The following VPS53 variants were observed in gnomAD, a reference collection of about 807,000 sequenced individuals.
VPS53 encodes the protein vacuolar protein sorting-associated protein 53 homolog.
In VPS53, 70 loss-of-function variants were observed where a neutral mutation model predicts 107.0. The observed-to-expected ratio is 0.65, with a 90% confidence interval of 0.54 to 0.80. VPS53 has a LOEUF of 0.80. VPS53 is among the 30% of genes least tolerant of loss of function. The probability of loss-of-function intolerance (pLI) is 0.00; values close to 1 mark genes in which losing one functional copy is unlikely to be tolerated. For synonymous variants in VPS53, 409 were observed against 393.3 expected (o/e 1.04, Z -0.47); for missense variants, 917 against 1,049.4 (o/e 0.87, Z 1.74).
At chr17:603,289 G>A (rs1042220135) in intron 11 of VPS53, among the ~76,000 whole-genome samples, 2 of 152,168 alleles carry the variant, frequency 1.3e-5, no homozygotes, top group Non-Finnish European at 2.9e-5. Flanking sequence ...CAGCGTGGTG[G>A]TAGGCGCCTG....
At chr17:676,439 A>G (rs1275859862) in intron 4 of VPS53, 1 of 152,230 alleles carries the variant, frequency 6.6e-6, no homozygotes, top group Non-Finnish European at 1.5e-5. Flanking sequence ...AATTTTCCTT[A>G]CACGATTTCT....
intron 7 of VPS53, among the ~76,000 whole-genome samples, chr17:651,212 T>C (rs1395901407): frequency 6.6e-6 from 1 of 152,138 alleles, no homozygotes; most frequent in East Asian, 1.9e-4. Flanking sequence ...AAATCCGCAG[T>C]GATAGCCATT....
At chr17:713,374 C>T (rs1973711460) in intron 1 of VPS53, among the ~76,000 whole-genome samples, 1 of 151,972 alleles carries the variant, frequency 6.6e-6, no homozygotes, top group Admixed American at 6.6e-5. Flanking sequence ...TATTTCTGAC[C>T]GGGTGCAGTG....
chr17:525,475 G>A (rs1246693199), intron 19 of VPS53, among the ~76,000 whole-genome samples: 2 of 151,818 alleles, frequency 1.3e-5, no homozygotes, highest in Non-Finnish European at 2.9e-5. Flanking sequence ...GATCACTTGA[G>A]GCTACGAATT....
chr17:569,903 C>CA (rs61335321), intron 13 of VPS53, among the ~76,000 whole-genome samples: 7,428 of 106,038 alleles, frequency 0.07, 579 homozygotes, highest in African/African-American at 0.22. Context: ...GACTCTGCCT[C>CA]AAAAAAAAAA....
At chr17:536,851 C>T (rs1804811568) in intron 18 of VPS53, 177 bp downstream of exon 18, 3 of 723,866 alleles carry the variant, frequency 4.1e-6, no homozygotes, top group African/African-American at 1.8e-5. Flanking sequence ...AACGAATGTG[C>T]CACTTTGTGT....
intron 17 of VPS53, among the ~76,000 whole-genome samples, chr17:550,901 A>T (rs1489155418): frequency 1.3e-5 from 2 of 151,934 alleles, no homozygotes; most frequent in Non-Finnish European, 2.9e-5. Flanking sequence ...CTGATCAAAT[A>T]CTCTTACATT....
At chr17:601,765 G>T (rs751911636) in intron 12 of VPS53, 30 bp downstream of exon 12, 2 of 1,538,470 alleles carry the variant, frequency 1.3e-6, no homozygotes, top group Non-Finnish European at 1.8e-6. Flanking sequence ...CATTGGGTAG[G>T]TTACCCGTGG....
chr17:601,078 C>T (rs1968303504), intron 12 of VPS53: 1 of 152,208 alleles, frequency 6.6e-6, no homozygotes, highest in Admixed American at 6.5e-5. Context: ...TTGGTGGTGT[C>T]TGGAGCAAAA....
In VPS53 at chr17:536,848, G is replaced by A. The variant is rs550696025; in HGVS notation, c.2015+180C>T. On this transcript the variant is annotated intron_variant, in intron 18 of 21. Transcript: ENST00000437048. ...TGCAGGTTCATCCACTGTAACGAAT[G>A]TGCCACTTTGTGTGTGGGGAGGTGT... 2.7e-4 allele frequency: 191 copies of A among 699,042 alleles called. No homozygotes were observed. In the East Asian group the frequency reaches 5.4e-3, roughly 20 times the overall value. 43.3% of individuals were successfully genotyped at this position (699,042 alleles called of 1,614,324 possible). A position where few individuals can be genotyped will look rare whatever the true frequency, so the allele number is the denominator to read the frequency against.
chr17:654,785 G>C (rs1971116733), intron 6 of VPS53, among the ~76,000 whole-genome samples: 1 of 150,716 alleles, frequency 6.6e-6, no homozygotes, highest in Non-Finnish European at 1.5e-5. Context: ...TCAAGTTCAA[G>C]CCAAGGTGTT....
rs186092062 is a variant in VPS53, at chr17:520,909, A to G, written c.2223+692T>C. Among the ~76,000 whole-genome samples the G allele has an allele frequency of 1.3e-5, 2 of 149,658 alleles. No individual in the cohort carries two copies. The highest frequency in any genetic ancestry group is 3.0e-5 in the Non-Finnish European group (2 of 67,434). ...CACCCTTACCTACATGAGCTGCTTC[A>G]TCCTCACCCACATCCCACCGGTGTC... is the stretch of plus-strand genomic sequence containing the variant. On this transcript the variant is annotated intron_variant, in intron 20 of 21. Coordinates refer to ENST00000437048, the MANE Select transcript of VPS53 (RefSeq NM_001128159.3). This position sits in a 1 kb window ranked among gnomAD's most constrained non-coding sequence, Gnocchi z 4.4.
At chr17:642,711 C>A (rs1324328210) in intron 7 of VPS53, among the ~76,000 whole-genome samples, 66 of 109,696 alleles carry the variant, frequency 6.0e-4, no homozygotes, top group East Asian at 1.5e-3. Context: ...TCATACTTGG[C>A]AACCGAGGAC....
intron 2 of VPS53, among the ~76,000 whole-genome samples, chr17:707,279 TG>T (rs1334841275): frequency 6.6e-6 from 1 of 152,182 alleles, no homozygotes; most frequent in Non-Finnish European, 1.5e-5. Flanking sequence ...CCCAGCACTT[TG>T]GGAGGCCGAG....
chr17:656,664 C>A, intron 5 of VPS53: 1 of 557,104 alleles, frequency 1.8e-6, no homozygotes, highest in Non-Finnish European at 3.2e-6. Context: ...CAGGTGAAAT[C>A]ATCCACTGTG....
rs905725522 is a variant in VPS53 at position 519,239 on chromosome 17, T to C, written c.2388A>G (p.Ala796=). 2.6e-6 allele frequency: 4 copies of C among 1,546,322 alleles called. No homozygotes were observed. Among genetic ancestry groups the C allele is most frequent in the East Asian group, 2.5e-5 (1 of 40,812 alleles). ...CGGAGCTTTCTGCCCCCGAGGGCGG[T>C]GCGGGGAGCCGCTGGCGCAGGAGTT... ...MLELLRQRLP[A]PPSGAESSGS... is the part of the protein sequence containing the mutation. The change falls in exon 22 of 22, where the codon GCA becomes GCG. Residue 796 remains alanine (A), a synonymous_variant. Transcript: ENST00000437048. The surrounding 1 kb of genome is among the most constrained non-coding windows in gnomAD (Gnocchi z 5.0).
chr17:622,232 A>C (rs1969498077), intron 11 of VPS53, among the ~76,000 whole-genome samples: 1 of 152,106 alleles, frequency 6.6e-6, no homozygotes, highest in East Asian at 1.9e-4. Flanking sequence ...GAAAAAACAA[A>C]AAAATAAAAA....
chr17:699,770 G>A (rs555805455), intron 2 of VPS53, among the ~76,000 whole-genome samples: 4 of 152,274 alleles, frequency 2.6e-5, no homozygotes, highest in South Asian at 2.1e-4. Context: ...ACAAATTCAC[G>A]TAACGAAATA....
intron 13 of VPS53, among the ~76,000 whole-genome samples, chr17:566,917 CT>C (rs1165892590): frequency 1.0e-4 from 15 of 146,172 alleles, no homozygotes; most frequent in Non-Finnish European, 9.1e-5. Context: ...CTAATTTTTG[CT>C]TTTTTTTTTA....
Sources: gnomAD v4.1 joint callset for allele counts (sites outside exome capture counted in the v4.1 genomes callset) on GRCh38, gnomAD v4.1.1 for gene constraint, Gnocchi (gnomAD v3.1) non-coding constraint, MANE v1.5 for transcripts, NCBI Gene and HGNC (gene_info 2026-07-23, HGNC 2026-07-21) for gene names.